Variants in NME8 observed in about 807,000 individuals in gnomAD.
NME8 encodes protein NME8.
In NME8, 72 loss-of-function variants were observed where a neutral mutation model predicts 82.3. The ratio of observed to expected loss-of-function variants is 0.87; its 90% confidence interval spans 0.72 to 1.06. NME8 has a LOEUF of 1.06. NME8 is among the 50% of genes least tolerant of loss of function. The probability of loss-of-function intolerance (pLI) is 0.00; values close to 1 mark genes in which losing one functional copy is unlikely to be tolerated. For synonymous variants in NME8, 267 were observed against 228.5 expected (o/e 1.17, Z -1.52); for missense variants, 712 against 685.4 (o/e 1.04, Z -0.43).
chr7:37,867,348 G>A (rs188488952), intron 10 of NME8, among the ~76,000 whole-genome samples: 2 of 151,626 alleles, frequency 1.3e-5, no homozygotes, highest in South Asian at 2.1e-4. Context: ...TGAGAGGCAC[G>A]TTTGCCTGAT....
chr7:37,894,855 T>C (rs41276030), intron 16 of NME8, among the ~76,000 whole-genome samples: 3,275 of 151,782 alleles, frequency 0.022, 80 homozygotes, highest in East Asian at 0.087. Flanking sequence ...TACTTTCCTT[T>C]CTCCCTTTCC....
At position 37,894,561 on chromosome 7, in the gene NME8, A is replaced by G. The variant is rs1785188963; in HGVS notation, c.1495A>G (p.Lys499Glu). 6.2e-7 allele frequency: 1 copy of G among 1,606,864 alleles called. No individual in the cohort carries two copies. The highest frequency in any genetic ancestry group is 8.5e-7 in the Non-Finnish European group (1 of 1,173,632). ...TGAGCAAATAGAGAAAATTTATCCA[A>G]AAGTAACAGGAAAAGACTTTTATAA... ...TPEQIEKIYP[K>E]VTGKDFYKDL... The change falls in exon 16 of 18, where the codon AAA becomes GAA. Residue 499 changes from lysine to glutamate, a missense_variant. By Grantham distance (56) the Lys-to-Glu change is moderately conservative. Coordinates refer to ENST00000199447, the MANE Select transcript of NME8 (RefSeq NM_016616.5).
chr7:37,861,026 T>C (rs937106889), intron 6 of NME8, among the ~76,000 whole-genome samples: 3 of 152,118 alleles, frequency 2.0e-5, no homozygotes, highest in Non-Finnish European at 4.4e-5. Flanking sequence ...CACCGTCATC[T>C]CTCCACCTCC....
At chr7:37,883,032 G>T (rs1784986815) in intron 12 of NME8, among the ~76,000 whole-genome samples, 1 of 152,054 alleles carries the variant, frequency 6.6e-6, no homozygotes, top group Non-Finnish European at 1.5e-5. Flanking sequence ...TAATTCCTTT[G>T]TGATCACCTA....
intron 17 of NME8, among the ~76,000 whole-genome samples, chr7:37,899,213 T>C (rs528829108): frequency 6.6e-6 from 1 of 152,344 alleles, no homozygotes; most frequent in African/African-American, 2.4e-5. Flanking sequence ...TAAATCCTTC[T>C]ATAAAGATAC....
intron 12 of NME8, among the ~76,000 whole-genome samples, chr7:37,880,172 A>C (rs558340213): frequency 1.3e-5 from 2 of 152,252 alleles, no homozygotes; most frequent in East Asian, 3.9e-4. Flanking sequence ...GTTTCTTAAA[A>C]GTGGCTTTCA....
At position 37,882,585 on chromosome 7, in the gene NME8, AAGAAAGAAAGAAAGAGAGAGAGAGAGAG is replaced by A. The variant is rs1353757300; in HGVS notation, c.995-1702_995-1675del. Reference sequence around the variant, plus strand: ...AAAGAAAGAAAGAAAGAAAGAAAGAAAGAAAGAAAGAAAGAGAGAGAGAGAGAGAGAAAGAAAGAAAGAAAGAAAGAAA... The same window carrying A: ...AAAGAAAGAAAGAAAGAAAGAAAGAAAGAAAGAAAGAAAGAAAGAAAGAAA... On this transcript the variant is annotated intron_variant, in intron 12 of 17. Transcript: ENST00000199447. Among the ~76,000 whole-genome samples the A allele has an allele frequency of 1.8e-4, 10 of 55,104 alleles. No homozygotes were observed. In the East Asian group the frequency reaches 5.0e-3, roughly 27 times the overall value. The allele number at this position is 55,104 out of a possible 152,430, so 36.2% of individuals were successfully genotyped here.
At chr7:37,874,369 A>C (rs1028102298) in intron 11 of NME8, among the ~76,000 whole-genome samples, 10 of 152,352 alleles carry the variant, frequency 6.6e-5, no homozygotes, top group Admixed American at 6.5e-4. Flanking sequence ...AAGATCAAGA[A>C]GGCAGTATTT....
At chr7:37,875,991 A>C (rs1400119542) in intron 11 of NME8, among the ~76,000 whole-genome samples, 2 of 152,126 alleles carry the variant, frequency 1.3e-5, no homozygotes, top group African/African-American at 2.4e-5. Flanking sequence ...GCTGATCACA[A>C]GGTCAGGAGA....
At chr7:37,885,467 T>C (rs528256300) in intron 14 of NME8, among the ~76,000 whole-genome samples, 79 of 152,290 alleles carry the variant, frequency 5.2e-4, no homozygotes, top group Non-Finnish European at 4.0e-4. Flanking sequence ...TGTGAGGTGC[T>C]AGGCTTGGGG....
chr7:37,864,110 G>A (rs1784638333), intron 8 of NME8, among the ~76,000 whole-genome samples: 1 of 152,118 alleles, frequency 6.6e-6, no homozygotes, highest in South Asian at 2.1e-4. Context: ...CTCAATTTTT[G>A]TTTCCTCTGG....
At chr7:37,864,995 A>G (rs533664628) in intron 9 of NME8, among the ~76,000 whole-genome samples, 1 of 152,192 alleles carries the variant, frequency 6.6e-6, no homozygotes, top group South Asian at 2.1e-4. Context: ...GTGGGAGTTT[A>G]AAATTCAAGG....
chr7:37,897,829 T>G (rs1056359065), intron 17 of NME8, among the ~76,000 whole-genome samples: 2 of 152,214 alleles, frequency 1.3e-5, no homozygotes, highest in Non-Finnish European at 2.9e-5. Context: ...TCTATGTCCC[T>G]GCAAAGGACA....
chr7:37,896,838 G>T lies in NME8; in HGVS notation c.1545-32G>T, dbSNP rs1424932330. The stretch of plus-strand genomic sequence containing the variant: ...TTGCAGTGTCAACAGTTTTCAGTAG[G>T]CTGGGTCTTCTGAAAGCACCGTTCT... On this transcript the variant is annotated intron_variant, in intron 16 of 17. Coordinates refer to ENST00000199447, the MANE Select transcript of NME8 (RefSeq NM_016616.5). The T allele has an allele frequency of 1.9e-6, 3 of 1,576,858 alleles. No homozygotes were observed. The East Asian group carries it at 6.7e-5, about 35-fold the overall frequency.
chr7:37,899,317 G>A (rs749111198), intron 17 of NME8, among the ~76,000 whole-genome samples: 1 of 152,206 alleles, frequency 6.6e-6, no homozygotes, highest in Non-Finnish European at 1.5e-5. Flanking sequence ...TAAAGAAAAT[G>A]TGGTACATAT....
rs1043876747 is a variant in NME8, at chr7:37,882,625, AAGAAAGAAAGAAAGAAAG to A, written c.995-1662_995-1645del. On this transcript the variant is annotated intron_variant, in intron 12 of 17. Coordinates refer to ENST00000199447, the MANE Select transcript of NME8 (RefSeq NM_016616.5). ...AGAGAGAGAGAGAGAGAAAGAAAGA[AAGAAAGAAAGAAAGAAAG>A]AGAAAGAAAGAAAGAGAAAGAAAGA... 5.2e-5 allele frequency among the ~76,000 whole-genome samples: 7 copies of A among 133,816 alleles called. No homozygotes were observed. In the South Asian group the frequency reaches 1.2e-3, roughly 23 times the overall value. The allele number at this position is 133,816 out of a possible 152,430, so 87.8% of individuals were successfully genotyped here.
chr7:37,865,679 TAAATCTTTATTA>T, intron 10 of NME8, 62 bp downstream of exon 10: 1 of 1,135,726 alleles, frequency 8.8e-7, no homozygotes, highest in East Asian at 2.4e-5. Flanking sequence ...CCATAAGCTT[TAAATCTTTATTA>T]CAGAAAAGCA....
intron 12 of NME8, among the ~76,000 whole-genome samples, chr7:37,883,398 A>C (rs953456756): frequency 6.6e-6 from 1 of 152,208 alleles, no homozygotes; most frequent in African/African-American, 2.4e-5. Context: ...TCTGTGAGGT[A>C]GTTCTGAAGC....
At chr7:37,865,484 A>G (rs769083578) in intron 9 of NME8, 41 bp from the exon 10 acceptor site, 1 of 1,366,276 alleles carries the variant, frequency 7.3e-7, no homozygotes, top group Non-Finnish European at 1.0e-6. Context: ...TTTACATGTG[A>G]TCCCACGACA....
Sources: gnomAD v4.1 joint callset for allele counts (sites outside exome capture counted in the v4.1 genomes callset) on GRCh38, gnomAD v4.1.1 for gene constraint, MANE v1.5 for transcripts, NCBI Gene and HGNC (gene_info 2026-07-23, HGNC 2026-07-21) for gene names.